The following CASK variants were observed in gnomAD, a reference collection of about 807,000 sequenced individuals.
The protein encoded by CASK is calcium/calmodulin dependent serine protein kinase.
CASK carries 4 observed loss-of-function variants against 82.9 expected under a neutral mutation model. That is an observed-to-expected ratio of 0.05 (90% CI 0.02 to 0.11). CASK has a LOEUF of 0.11. Ranked by LOEUF, CASK falls within the 10% of genes least tolerant of loss-of-function variation. The pLI, the probability that CASK is intolerant of heterozygous loss-of-function variation, is 1.00. For synonymous variants in CASK, 259 were observed against 253.5 expected, an observed-to-expected ratio of 1.02 and a Z score of -0.20; for missense variants, 358 against 720.9, an observed-to-expected ratio of 0.50 and a Z score of 5.76.
At chrX:41,534,564 T>G (rs1457766759) in intron 24 of CASK, 142 bp downstream of exon 24, 11 of 493,972 alleles carry the variant, frequency 2.2e-5, no homozygotes, top group Non-Finnish European at 3.4e-6. Context: ...TTAACTCATT[T>G]TCCTCCTTGT....
intron 14 of CASK, 188 bp downstream of exon 14, chrX:41,586,719 C>T (rs2065663373): frequency 4.8e-6 from 2 of 414,994 alleles, no homozygotes; most frequent in African/African-American, 5.0e-5. Flanking sequence ...AGTATCTTTA[C>T]AGTTGTGACA....
chrX:41,557,151 A>G, intron 18 of CASK, 51 bp from the exon 19 acceptor site: 1 of 971,942 alleles, frequency 1.0e-6, no homozygotes, highest in East Asian at 3.1e-5. Context: ...ACAGAAACAC[A>G]GAGATATTTA....
intron 3 of CASK, among the ~76,000 whole-genome samples, chrX:41,749,376 ATTTTT>A (rs35045589): frequency 1.4e-5 from 1 of 72,385 alleles, no homozygotes; most frequent in Non-Finnish European, 2.8e-5. Flanking sequence ...TTCTTCACCA[ATTTTT>A]TTTTTTTTTT....
intron 8 of CASK, among the ~76,000 whole-genome samples, chrX:41,636,891 A>G (rs186125640): frequency 3.7e-4 from 42 of 112,094 alleles, no homozygotes; most frequent in Non-Finnish European, 6.6e-4. Context: ...CTGAAATAAT[A>G]GGTCACGTAA....
chrX:41,744,151 G>T (rs2068643850), intron 4 of CASK, among the ~76,000 whole-genome samples: 1 of 108,580 alleles, frequency 9.2e-6, no homozygotes, highest in African/African-American at 3.4e-5. Context: ...AACTTAATAT[G>T]TTTGTGAGTT....
chrX:41,533,103 G>A (rs1175075907), intron 24 of CASK, among the ~76,000 whole-genome samples: 1 of 111,633 alleles, frequency 9.0e-6, no homozygotes, highest in Non-Finnish European at 1.9e-5. Flanking sequence ...GAGCCACCGC[G>A]CCCAGCCAAG....
chrX:41,787,977 G>A (rs183864407), intron 2 of CASK, among the ~76,000 whole-genome samples: 6 of 109,903 alleles, frequency 5.5e-5, no homozygotes, highest in South Asian at 3.9e-4. Flanking sequence ...CCAACATGGC[G>A]AAATCACATC....
intron 11 of CASK, among the ~76,000 whole-genome samples, chrX:41,617,085 C>T (rs1356648239): frequency 2.7e-5 from 3 of 112,005 alleles, no homozygotes; most frequent in Non-Finnish European, 5.6e-5. Flanking sequence ...GACACACAGG[C>T]TGCCTAGGGA....
Position 41,701,222 on chromosome X carries a change from A to G in CASK, c.430-29692T>C, listed in dbSNP as rs1053131250. On this transcript the variant is annotated intron_variant, in intron 5 of 26. Coordinates refer to ENST00000378163, the MANE Select transcript of CASK (RefSeq NM_001367721.1). The stretch of plus-strand genomic sequence containing the variant: ...ACTCAAGAATTAAGTGTAAATAATG[A>G]GACCATAAAAGATTAAAAAATGACT... 4.5e-5 allele frequency among the ~76,000 whole-genome samples: 5 copies of G among 111,922 alleles called. No individual in the cohort carries two copies. The East Asian group carries it at 1.4e-3, about 31-fold the overall frequency.
At chrX:41,775,491 T>C (rs1430628937) in intron 3 of CASK, among the ~76,000 whole-genome samples, 1 of 104,426 alleles carries the variant, frequency 9.6e-6, no homozygotes, top group Non-Finnish European at 2.0e-5. Context: ...TCCTCAGGGA[T>C]CTAGAACTAG....
chrX:41,628,199 T>A (rs1234238878), intron 9 of CASK, among the ~76,000 whole-genome samples: 1 of 112,585 alleles, frequency 8.9e-6, no homozygotes, highest in Non-Finnish European at 1.9e-5. Context: ...TTAGTTAGTT[T>A]ATCAAATCAC....
chrX:41,864,358 C>T (rs1380653621), intron 1 of CASK, among the ~76,000 whole-genome samples: 1 of 110,870 alleles, frequency 9.0e-6, no homozygotes, highest in East Asian at 2.8e-4. Flanking sequence ...ATGAAAGTTT[C>T]GCATTCAAGT....
chrX:41,623,770 G>A (rs1336425910), intron 10 of CASK, among the ~76,000 whole-genome samples: 1 of 111,257 alleles, frequency 9.0e-6, no homozygotes, highest in Non-Finnish European at 1.9e-5. Context: ...GTACAGTGAT[G>A]CACTCACGGC....
chrX:41,584,396 T>C (rs2065626370), intron 14 of CASK: 1 of 96,927 alleles, frequency 1.0e-5, no homozygotes, highest in Admixed American at 1.3e-4. Flanking sequence ...ACCACTTTTA[T>C]AATATAGAAC....
At chrX:41,675,636 C>G in intron 5 of CASK, 12 of 599,483 alleles carry the variant, frequency 2.0e-5, no homozygotes, top group Non-Finnish European at 2.9e-5. Flanking sequence ...CATAGAAATT[C>G]AAATAGAAGT....
chrX:41,746,309 C>T (rs1179268789), intron 3 of CASK, among the ~76,000 whole-genome samples: 1 of 111,242 alleles, frequency 9.0e-6, no homozygotes, highest in Non-Finnish European at 1.9e-5. Context: ...TATTATCACT[C>T]CCTGAGTACA....
intron 1 of CASK, among the ~76,000 whole-genome samples, chrX:41,902,201 A>G (rs1195403): frequency 0.17 from 19,159 of 111,564 alleles, 1,471 homozygotes; most frequent in Middle Eastern, 0.3. Flanking sequence ...ATTTTTATAC[A>G]TGGTGTATTC....
At chrX:41,837,330 T>A (rs2070945184) in intron 2 of CASK, among the ~76,000 whole-genome samples, 1 of 111,887 alleles carries the variant, frequency 8.9e-6, no homozygotes, top group Non-Finnish European at 1.9e-5. Flanking sequence ...TAGTTTTACA[T>A]GCACTCATGT....
chrX:41,756,413 C>T (rs1320723355), intron 3 of CASK, among the ~76,000 whole-genome samples: 1 of 111,928 alleles, frequency 8.9e-6, no homozygotes, highest in Non-Finnish European at 1.9e-5. Context: ...GTGAACAACC[C>T]AATGTCCATC....
Sources: gnomAD v4.1 joint callset for allele counts (sites outside exome capture counted in the v4.1 genomes callset) on GRCh38, gnomAD v4.1.1 for gene constraint, MANE v1.5 for transcripts, NCBI Gene and HGNC (gene_info 2026-07-23, HGNC 2026-07-21) for gene names.